ARIH1: variants seen among roughly 807,000 people sequenced by gnomAD.
ARIH1 encodes E3 ubiquitin-protein ligase ARIH1.
Under a neutral mutation model 85.0 loss-of-function variants are expected in ARIH1, and 8 were observed. The ratio of observed to expected loss-of-function variants is 0.09; its 90% CI spans 0.06 to 0.17. The LOEUF (loss-of-function observed/expected upper bound fraction) is 0.17. Ranked by LOEUF, ARIH1 falls within the 10% of genes least tolerant of loss-of-function variation. ARIH1 has a pLI of 1.00. For missense variants in ARIH1, 311 were observed against 718.1 expected (o/e 0.43, Z 6.48); for synonymous variants, 238 against 253.6 (o/e 0.94, Z 0.59).
At chr15:72,571,129 C>CAAAAAA (rs56376097) in intron 10 of ARIH1, among the ~76,000 whole-genome samples, 1 of 61,474 alleles carries the variant, frequency 1.6e-5, no homozygotes, top group African/African-American at 6.9e-5. Context: ...AACTGTGTCT[C>CAAAAAA]AAAAAAAAAA....
intron 1 of ARIH1, among the ~76,000 whole-genome samples, chr15:72,476,049 A>G (rs923677060): frequency 2.6e-5 from 4 of 152,220 alleles, no homozygotes; most frequent in African/African-American, 7.2e-5. Flanking sequence ...AAGGAAACAT[A>G]TATGAGCAGC....
intron 1 of ARIH1, among the ~76,000 whole-genome samples, chr15:72,481,572 C>A (rs2063816727): frequency 1.3e-5 from 2 of 152,012 alleles, no homozygotes; most frequent in Admixed American, 1.3e-4. Context: ...GTAATCCCAG[C>A]TACTTGGGAG....
chr15:72,474,522 G>T lies in ARIH1; in HGVS notation c.-118G>T. 7.7e-7 allele frequency: 1 copy of T among 1,300,888 alleles called. No individual in the cohort carries two copies. Among genetic ancestry groups the T allele is most frequent in the South Asian group, 1.5e-5 (1 of 64,696 alleles). 80.6% of individuals were successfully genotyped at this position (1,300,888 alleles called of 1,614,324 possible). A position where few individuals can be genotyped will look rare whatever the true frequency, so the allele number is the denominator to read the frequency against. ...CCTGGGGAGGAGCCGCGGCTCGCGG[G>T]GCCGGAGCCAGGCCTGCGTCCGGAC... On this transcript the variant is annotated 5_prime_UTR_variant, in exon 1 of 14. Coordinates refer to ENST00000379887, the MANE Select transcript of ARIH1 (RefSeq NM_005744.5).
intron 10 of ARIH1, 24 bp downstream of exon 10, chr15:72,570,331 G>GA: frequency 6.2e-7 from 1 of 1,613,222 alleles, no homozygotes; most frequent in Non-Finnish European, 8.5e-7. Context: ...ATTAAGGGAA[G>GA]AATGTGTTTA....
At chr15:72,514,599 G>A (rs2063966023) in intron 1 of ARIH1, among the ~76,000 whole-genome samples, 1 of 152,002 alleles carries the variant, frequency 6.6e-6, no homozygotes, top group African/African-American at 2.4e-5. Flanking sequence ...CAGCTGCTCA[G>A]GAGGCTGAGG....
At chr15:72,475,163 A>T in intron 1 of ARIH1, 149 bp downstream of exon 1, 2 of 1,379,088 alleles carry the variant, frequency 1.5e-6, no homozygotes, top group South Asian at 3.2e-5. Flanking sequence ...TCTGCTGGGG[A>T]TAGAGGGTGT....
chr15:72,482,477 A>G (rs2063820240), intron 1 of ARIH1, among the ~76,000 whole-genome samples: 1 of 152,190 alleles, frequency 6.6e-6, no homozygotes, highest in South Asian at 2.1e-4. Context: ...AAGTCATTCT[A>G]AGGAACTGAA....
chr15:72,477,985 C>G (rs2063801272), intron 1 of ARIH1, among the ~76,000 whole-genome samples: 1 of 152,026 alleles, frequency 6.6e-6, no homozygotes, highest in Non-Finnish European at 1.5e-5. Flanking sequence ...CCAGCTAATT[C>G]TTGTGTTACA....
intron 11 of ARIH1, among the ~76,000 whole-genome samples, chr15:72,573,121 T>C (rs1005420318): frequency 6.6e-6 from 1 of 152,238 alleles, no homozygotes; most frequent in Non-Finnish European, 1.5e-5. Context: ...ATCTAAAATA[T>C]GGTTTGCATC....
intron 2 of ARIH1, among the ~76,000 whole-genome samples, chr15:72,528,860 A>T (rs1234989785): frequency 2.0e-5 from 3 of 152,072 alleles, no homozygotes; most frequent in Non-Finnish European, 1.5e-5. Context: ...TCAGACAAAA[A>T]ACAAAAAACA....
chr15:72,555,779 A>G (rs753762627), intron 4 of ARIH1, 73 bp from the exon 5 acceptor site: 160 of 1,298,750 alleles, frequency 1.2e-4, no homozygotes, highest in Non-Finnish European at 1.7e-4. Flanking sequence ...GAACCTAGCA[A>G]AGTGCCTGGC....
chr15:72,560,764 G>T (rs1357155757), intron 5 of ARIH1, among the ~76,000 whole-genome samples: 1 of 152,110 alleles, frequency 6.6e-6, no homozygotes, highest in Non-Finnish European at 1.5e-5. Flanking sequence ...GGCCAGATTG[G>T]TTCATTTAAA....
chr15:72,479,986 G>C (rs1449876997), intron 1 of ARIH1, among the ~76,000 whole-genome samples: 1 of 151,836 alleles, frequency 6.6e-6, no homozygotes, highest in Admixed American at 6.6e-5. Flanking sequence ...TTCTGCCTCA[G>C]CCTCCCGAGT....
At chr15:72,513,173 C>T (rs965720280) in intron 1 of ARIH1, among the ~76,000 whole-genome samples, 2 of 152,076 alleles carry the variant, frequency 1.3e-5, no homozygotes, top group East Asian at 1.9e-4. Context: ...TAATTATTTA[C>T]GTGGTTAGAT....
chr15:72,559,384 CT>C (rs1176610230), intron 5 of ARIH1, among the ~76,000 whole-genome samples: 3 of 152,040 alleles, frequency 2.0e-5, no homozygotes, highest in African/African-American at 7.2e-5. Context: ...ATTCTCCTGC[CT>C]CAGCCTCCTG....
chr15:72,523,186 C>T (rs1445843514), intron 2 of ARIH1, among the ~76,000 whole-genome samples: 2 of 152,190 alleles, frequency 1.3e-5, no homozygotes, highest in East Asian at 3.8e-4. Flanking sequence ...CAAAAACCTG[C>T]ACATGGATGT....
chr15:72,587,797 G>C lies in ARIH1; in HGVS notation c.*4505G>C, dbSNP rs1193337205. The stretch of plus-strand genomic sequence containing the variant: ...TACTCAGTTGGATATCAATCAAATA[G>C]TGCCTACCAGGGGAGTAAACAGACA... On this transcript the variant is annotated 3_prime_UTR_variant, in exon 14 of 14. Coordinates refer to ENST00000379887, the MANE Select transcript of ARIH1 (RefSeq NM_005744.5). The C allele has an allele frequency of 6.6e-6, 1 of 152,246 alleles. No homozygotes were observed. The highest frequency in any genetic ancestry group is 2.4e-5 in the African/African-American group (1 of 41,444). 9.4% of individuals were successfully genotyped at this position (152,246 alleles called of 1,614,324 possible).
chr15:72,506,684 A>G (rs1207389841), intron 1 of ARIH1, among the ~76,000 whole-genome samples: 1 of 152,168 alleles, frequency 6.6e-6, no homozygotes, highest in Non-Finnish European at 1.5e-5. Flanking sequence ...ATTTTATGCA[A>G]ACATGAGCCC....
intron 1 of ARIH1, among the ~76,000 whole-genome samples, chr15:72,508,995 T>C (rs1358641075): frequency 6.5e-5 from 8 of 123,322 alleles, no homozygotes; most frequent in East Asian, 5.5e-4. Context: ...TGCCTGGCCC[T>C]TTTTTTTTTT....
Sources: allele counts gnomAD v4.1 joint callset (sites outside exome capture counted in the v4.1 genomes callset), GRCh38; gene constraint gnomAD v4.1.1; transcripts MANE v1.5; gene names NCBI Gene and HGNC (gene_info 2026-07-23, HGNC 2026-07-21).